Variants in PSMA1 observed in about 807,000 individuals in gnomAD.
The protein encoded by PSMA1 is proteasome 20S subunit alpha 1, also known as proteasome subunit alpha type-1.
Under a neutral mutation model 38.4 loss-of-function variants are expected in PSMA1, and 3 were observed. The ratio of observed to expected loss-of-function variants is 0.08; its 90% confidence interval spans 0.04 to 0.20. The LOEUF is 0.20. Among genes scored for constraint, PSMA1 ranks in the 10% least tolerant of loss-of-function variants. The pLI, the probability that PSMA1 is intolerant of heterozygous loss-of-function variation, is 1.00. For missense variants in PSMA1, 227 were observed against 325.3 expected (o/e 0.70, Z 2.32); for synonymous variants, 101 against 107.1 (o/e 0.94, Z 0.35).
At chr11:14,518,899 T>C (rs1565034652) in intron 2 of PSMA1, 98 bp downstream of exon 2, 2 of 965,086 alleles carry the variant, frequency 2.1e-6, no homozygotes, top group East Asian at 2.5e-5. Context: ...AAAATAATTA[T>C]ATTCCATTTT....
chr11:14,570,791 T>C (rs1290121279), intron 2 of PSMA1, among the ~76,000 whole-genome samples: 2 of 152,130 alleles, frequency 1.3e-5, no homozygotes, highest in African/African-American at 4.8e-5. Context: ...CAGAATATTA[T>C]CCAGGAGAAC....
intron 2 of PSMA1, among the ~76,000 whole-genome samples, chr11:14,539,396 T>TA (rs1473360571): frequency 1.3e-5 from 2 of 151,820 alleles, no homozygotes; most frequent in Non-Finnish European, 2.9e-5. Flanking sequence ...CAGGCCAACA[T>TA]AAAGTCCTGG....
chr11:14,510,415 C>T (rs542021409), intron 8 of PSMA1, among the ~76,000 whole-genome samples: 8 of 152,226 alleles, frequency 5.3e-5, no homozygotes, highest in South Asian at 2.1e-4. Flanking sequence ...CTCCTTTTAA[C>T]GCTTTTTTAT....
At chr11:14,601,866 A>C (rs1040293456) in intron 2 of PSMA1, among the ~76,000 whole-genome samples, 1 of 152,210 alleles carries the variant, frequency 6.6e-6, no homozygotes, top group African/African-American at 2.4e-5. Flanking sequence ...GGTCCATGCC[A>C]AATAACCTCA....
intron 2 of PSMA1, among the ~76,000 whole-genome samples, chr11:14,578,063 G>A (rs565220195): frequency 2.6e-5 from 4 of 151,866 alleles, no homozygotes; most frequent in South Asian, 2.1e-4. Flanking sequence ...ATCACACACC[G>A]GGGCCTGTTG....
At chr11:14,602,121 C>T (rs1852587709) in intron 2 of PSMA1, among the ~76,000 whole-genome samples, 1 of 152,162 alleles carries the variant, frequency 6.6e-6, no homozygotes, top group South Asian at 2.1e-4. Context: ...TATAATGGCA[C>T]ATCTATTTTT....
intron 2 of PSMA1, among the ~76,000 whole-genome samples, chr11:14,540,840 T>C (rs972015317): frequency 1.3e-5 from 2 of 152,006 alleles, no homozygotes; most frequent in Non-Finnish European, 1.5e-5. Flanking sequence ...ATCACTCCCA[T>C]GTTCTAGTGT....
At chr11:14,538,000 C>T (rs979789525) in intron 2 of PSMA1, among the ~76,000 whole-genome samples, 13 of 151,990 alleles carry the variant, frequency 8.6e-5, no homozygotes, top group Admixed American at 2.0e-4. Context: ...TGAGCCACCG[C>T]GCCTGGCCTA....
At chr11:14,607,131 G>C (rs1039821197) in intron 2 of PSMA1, among the ~76,000 whole-genome samples, 5 of 152,228 alleles carry the variant, frequency 3.3e-5, no homozygotes, top group African/African-American at 1.2e-4. Flanking sequence ...TGTTTCCCTG[G>C]GGAGGAGTGA....
chr11:14,506,708 C>T (rs1589975771), intron 9 of PSMA1, among the ~76,000 whole-genome samples: 1 of 152,284 alleles, frequency 6.6e-6, no homozygotes, highest in South Asian at 2.1e-4. Context: ...TGGGCCAGGC[C>T]AGTGACTCAC....
At chr11:14,637,562 G>A (rs1399783519) in intron 1 of PSMA1, among the ~76,000 whole-genome samples, 1 of 151,936 alleles carries the variant, frequency 6.6e-6, no homozygotes, top group Non-Finnish European at 1.5e-5. Flanking sequence ...TATGTTTAAT[G>A]CTAATATGAA....
At chr11:14,640,544 T>A (rs1853186489) in intron 1 of PSMA1, among the ~76,000 whole-genome samples, 1 of 152,134 alleles carries the variant, frequency 6.6e-6, no homozygotes, top group African/African-American at 2.4e-5. Context: ...CGGCATATAG[T>A]GGGCACTAAA....
At chr11:14,546,146 CTCTCTTTT>C (rs1213332301) in intron 2 of PSMA1, among the ~76,000 whole-genome samples, 1 of 148,580 alleles carries the variant, frequency 6.7e-6, no homozygotes, top group Non-Finnish European at 1.5e-5. Flanking sequence ...CTCTCTCTCT[CTCTCTTTT>C]TTTTTTTTTT....
upstream of PSMA1, among the ~76,000 whole-genome samples, chr11:14,524,373 C>A (rs987377686): frequency 8.5e-5 from 13 of 152,272 alleles, no homozygotes; most frequent in African/African-American, 2.9e-4. Context: ...ATAGCCTTAA[C>A]TGACGAAGTT....
intron 2 of PSMA1, among the ~76,000 whole-genome samples, chr11:14,555,939 A>C (rs1347411275): frequency 6.6e-6 from 1 of 152,182 alleles, no homozygotes; most frequent in African/African-American, 2.4e-5. Flanking sequence ...CAGAATTATA[A>C]ATCTCTCCTT....
chr11:14,602,180 A>G (rs1005137920), intron 2 of PSMA1, among the ~76,000 whole-genome samples: 1 of 152,206 alleles, frequency 6.6e-6, no homozygotes, highest in Admixed American at 6.5e-5. Context: ...GGAGAAACTC[A>G]TGAACACTAA....
intron 8 of PSMA1, among the ~76,000 whole-genome samples, chr11:14,510,505 T>G (rs1851326673): frequency 6.6e-6 from 1 of 152,196 alleles, no homozygotes; most frequent in Non-Finnish European, 1.5e-5. Flanking sequence ...CCTACTAGGA[T>G]GTACGTTCCA....
upstream of PSMA1, among the ~76,000 whole-genome samples, chr11:14,523,431 T>A (rs1851550911): frequency 6.6e-6 from 1 of 150,722 alleles, no homozygotes; most frequent in African/African-American, 2.4e-5. Context: ...CCACCATACC[T>A]GGCTAATTTT....
At chr11:14,518,707 C>G (rs1851476259) in intron 2 of PSMA1, among the ~76,000 whole-genome samples, 1 of 152,188 alleles carries the variant, frequency 6.6e-6, no homozygotes, top group Non-Finnish European at 1.5e-5. Flanking sequence ...ACCCCCTACC[C>G]TGGTAACCAC....
Sources: gnomAD v4.1 joint callset for allele counts (sites outside exome capture counted in the v4.1 genomes callset) on GRCh38, gnomAD v4.1.1 for gene constraint, MANE v1.5 for transcripts, NCBI Gene and HGNC (gene_info 2026-07-23, HGNC 2026-07-21) for gene names.